TMEM87B: variants seen among roughly 807,000 people sequenced by gnomAD.
The protein encoded by TMEM87B is transmembrane protein 87B.
Under a neutral mutation model 80.3 loss-of-function variants are expected in TMEM87B, and 83 were observed. That is an observed-to-expected ratio of 1.03 (90% confidence interval 0.87 to 1.24). TMEM87B has a LOEUF of 1.24. Among genes scored for constraint, TMEM87B ranks in the 50% most tolerant of loss-of-function variants. TMEM87B has a pLI of 0.00. For synonymous variants in TMEM87B, 219 were observed against 230.5 expected (o/e 0.95, Z 0.45); for missense variants, 625 against 674.4 (o/e 0.93, Z 0.81).
intron 11 of TMEM87B, among the ~76,000 whole-genome samples, chr2:112,093,002 T>TA (rs770588148): frequency 1.3e-5 from 2 of 152,238 alleles, no homozygotes; most frequent in Non-Finnish European, 2.9e-5. Flanking sequence ...TTTTGATACT[T>TA]ATGTCTTTTA....
intron 11 of TMEM87B, among the ~76,000 whole-genome samples, chr2:112,093,513 G>T (rs575874405): frequency 1.3e-5 from 2 of 152,238 alleles, no homozygotes; most frequent in Admixed American, 1.3e-4. Flanking sequence ...CCTACTTAGG[G>T]AATAATAACT....
intron 17 of TMEM87B, among the ~76,000 whole-genome samples, chr2:112,110,793 ATTC>A (rs1162268566): frequency 6.6e-6 from 1 of 151,890 alleles, no homozygotes; most frequent in Non-Finnish European, 1.5e-5. Context: ...TCCAAGGAAT[ATTC>A]TTCTTTTTTA....
chr2:112,091,767 C>A lies in TMEM87B; in HGVS notation c.1088C>A (p.Ser363Tyr), dbSNP rs760225430. 9 of 1,612,450 alleles carry A rather than the reference C, an allele frequency of 5.6e-6. No homozygotes were observed. The highest frequency in any genetic ancestry group is 1.3e-5 in the African/African-American group (1 of 74,868). Residue 363 changes from serine (S) to tyrosine (Y), a missense_variant, in exon 11 of 19, where the codon TCC (serine) becomes TAC (tyrosine). Physicochemically the swap from Ser to Tyr is moderately radical, Grantham distance 144 (BLOSUM62 -2). Coordinates refer to ENST00000283206, the MANE Select transcript of TMEM87B (RefSeq NM_032824.3). ...GACATTATTTTAGCAGTTATTGACT[C>A]CATTTTTGTGTGGTTCATATCCTTT... ...LDDIILAVID[S>Y]IFVWFIFISL...
chr2:112,098,016 G>A (rs942930074), intron 13 of TMEM87B, among the ~76,000 whole-genome samples: 2 of 151,722 alleles, frequency 1.3e-5, no homozygotes, highest in African/African-American at 2.4e-5. Context: ...CACTCCGTCA[G>A]CCAGTCTGGA....
chr2:112,094,538 A>G lies in TMEM87B; in HGVS notation c.1105-2506A>G, dbSNP rs544067097. Reference sequence around the variant, plus strand: ...TAATGCAGCTTGGCAGAAAATTCCAAAGAAAAGCAGCTCTGATGGCTCTAA... The same window carrying G: ...TAATGCAGCTTGGCAGAAAATTCCAGAGAAAAGCAGCTCTGATGGCTCTAA... On this transcript the variant is annotated intron_variant, in intron 11 of 18. Transcript: ENST00000283206. Among the ~76,000 whole-genome samples the G allele has an allele frequency of 9.2e-5, 14 of 152,270 alleles. No individual in the cohort carries two copies. The South Asian group carries it at 2.7e-3, about 29-fold the overall frequency.
At chr2:112,060,214 TGGTG>T (rs1388421327) in intron 2 of TMEM87B, among the ~76,000 whole-genome samples, 177 bp downstream of exon 2, 1 of 152,000 alleles carries the variant, frequency 6.6e-6, no homozygotes, top group Non-Finnish European at 1.5e-5. Flanking sequence ...CTGGGCATGG[TGGTG>T]GGCACCTGTA....
At chr2:112,082,541 G>A (rs1009693203) in intron 8 of TMEM87B, among the ~76,000 whole-genome samples, 1 of 152,174 alleles carries the variant, frequency 6.6e-6, no homozygotes, top group Admixed American at 6.5e-5. Context: ...CTTTTTGGGA[G>A]TATTTGAAAT....
chr2:112,099,938 A>G (rs1332900039), intron 14 of TMEM87B, among the ~76,000 whole-genome samples: 2 of 151,696 alleles, frequency 1.3e-5, no homozygotes, highest in African/African-American at 4.8e-5. Flanking sequence ...ATCAGCATGT[A>G]TAGATCTACC....
chr2:112,100,813 CTT>C (rs1679609882), intron 15 of TMEM87B, 118 bp downstream of exon 15: 3 of 559,126 alleles, frequency 5.4e-6, no homozygotes, highest in Non-Finnish European at 8.8e-6. Flanking sequence ...ATTTTAAAAA[CTT>C]TTATCTTCAG....
At chr2:112,104,298 A>T (rs1408092632) in intron 15 of TMEM87B, among the ~76,000 whole-genome samples, 1 of 152,234 alleles carries the variant, frequency 6.6e-6, no homozygotes, top group Non-Finnish European at 1.5e-5. Flanking sequence ...ACAGTGGGAG[A>T]TAAAATATTC....
chr2:112,070,206 G>T (rs541953875), intron 4 of TMEM87B, among the ~76,000 whole-genome samples: 102 of 152,024 alleles, frequency 6.7e-4, no homozygotes, highest in Non-Finnish European at 1.3e-3. Context: ...TTTTGCTTTT[G>T]TTGCAATTGC....
rs760538028 is a variant in TMEM87B at position 112,055,630 on chromosome 2, A to ACGC, written c.49_51dup (p.Arg17dup). 10 of 1,547,552 alleles carry ACGC rather than the reference A, an allele frequency of 6.5e-6. No individual in the cohort carries two copies. The highest frequency in any genetic ancestry group is 4.2e-5 in the African/African-American group (3 of 70,728). ...GCCGCTCGGTAGCCGGGCTCCTGCC[A>ACGC]CGCCGCCGCCGCTGCTTTCCCGCCC... On this transcript the variant is annotated inframe_insertion, in exon 1 of 19. Coordinates refer to ENST00000283206, the MANE Select transcript of TMEM87B (RefSeq NM_032824.3).
chr2:112,095,352 A>G (rs1353267249), intron 11 of TMEM87B: 8 of 983,994 alleles, frequency 8.1e-6, no homozygotes, highest in South Asian at 4.7e-5. Context: ...CAGAAGGGCT[A>G]TTTGTTTTCA....
In TMEM87B at chr2:112,098,619, G is replaced by C; in HGVS notation, c.1297G>C (p.Asp433His). The change falls in exon 14 of 19, where the codon GAT (aspartate) becomes CAT (histidine). Residue 433 changes from aspartate (D) to histidine (H), a missense_variant. Transcript: ENST00000283206. ...GGATTGGATGGAACGCTGGGTTGAC[G>C]ATGCATTTTGGAGCTTCCTTTTTTC... ...QSDWMERWVD[D>H]AFWSFLFSLI... The C allele has an allele frequency of 6.2e-7, 1 of 1,614,106 alleles. No homozygotes were observed. Among genetic ancestry groups the C allele is most frequent in the Non-Finnish European group, 8.5e-7 (1 of 1,180,008 alleles).
At chr2:112,102,366 C>T (rs760206505) in intron 15 of TMEM87B, among the ~76,000 whole-genome samples, 6 of 152,038 alleles carry the variant, frequency 3.9e-5, no homozygotes, top group African/African-American at 4.8e-5. Context: ...TTTAACATTC[C>T]GAAAATCACT....
intron 6 of TMEM87B, among the ~76,000 whole-genome samples, chr2:112,080,012 C>T (rs895627924): frequency 6.9e-6 from 1 of 145,648 alleles, no homozygotes. Flanking sequence ...TCACTGCAAC[C>T]TCCACCTCCT....
Position 112,098,621 on chromosome 2 carries a change from T to C in TMEM87B, c.1299T>C (p.Asp433=), listed in dbSNP as rs200075155. The C allele has an allele frequency of 6.8e-6, 11 of 1,614,182 alleles. No homozygotes were observed. The African/African-American group carries it at 9.3e-5, about 14-fold the overall frequency. ...ATTGGATGGAACGCTGGGTTGACGA[T>C]GCATTTTGGAGCTTCCTTTTTTCGC... is the stretch of plus-strand genomic sequence containing the variant. ...QSDWMERWVD[D]AFWSFLFSLI... is the part of the protein sequence containing the mutation. Residue 433 remains aspartate (D), a synonymous_variant, in exon 14 of 19, where the codon GAT becomes GAC. Transcript: ENST00000283206.
At chr2:112,093,753 A>G (rs1369526042) in intron 11 of TMEM87B, among the ~76,000 whole-genome samples, 2 of 152,210 alleles carry the variant, frequency 1.3e-5, no homozygotes, top group Non-Finnish European at 2.9e-5. Flanking sequence ...CCTCAGTTCT[A>G]CATGTGAGCA....
rs185923311 is a variant in TMEM87B at position 112,073,244 on chromosome 2, C to T, written c.451-1668C>T. Reference sequence around the variant, plus strand: ...AACTTTTCACTGTGGGCGTTTAGTGCTGTAAATTTCCCTCTTAATATTGCC... The same window carrying T: ...AACTTTTCACTGTGGGCGTTTAGTGTTGTAAATTTCCCTCTTAATATTGCC... On this transcript the variant is annotated intron_variant, in intron 4 of 18. Coordinates refer to ENST00000283206, the MANE Select transcript of TMEM87B (RefSeq NM_032824.3). 2.6e-5 allele frequency among the ~76,000 whole-genome samples: 4 copies of T among 152,244 alleles called. No homozygotes were observed. In the East Asian group the frequency reaches 7.7e-4, roughly 29 times the overall value.
Sources: allele counts gnomAD v4.1 joint callset (sites outside exome capture counted in the v4.1 genomes callset), GRCh38; gene constraint gnomAD v4.1.1; transcripts MANE v1.5; gene names NCBI Gene and HGNC (gene_info 2026-07-23, HGNC 2026-07-21).